The following TRPC5 variants were observed in gnomAD, a reference collection of about 807,000 sequenced individuals.
The protein encoded by TRPC5 is short transient receptor potential channel 5.
TRPC5 carries 9 observed loss-of-function variants against 56.5 expected under a neutral mutation model. That is an observed-to-expected ratio of 0.16 (90% CI 0.10 to 0.28). The LOEUF is 0.28. Among genes scored for constraint, TRPC5 ranks in the 10% least tolerant of loss-of-function variants. The pLI is 1.00. For synonymous variants in TRPC5, 282 were observed against 278.5 expected (o/e 1.01, Z -0.13); for missense variants, 469 against 748.9 (o/e 0.63, Z 4.36).
intron 1 of TRPC5, among the ~76,000 whole-genome samples, chrX:111,972,696 G>A (rs1284221254): frequency 8.9e-6 from 1 of 112,053 alleles, no homozygotes; most frequent in Non-Finnish European, 1.9e-5. Context: ...ACATATTTAT[G>A]AATGGGCTGC....
intron 3 of TRPC5, among the ~76,000 whole-genome samples, chrX:111,885,414 G>A (rs188680368): frequency 3.6e-5 from 4 of 111,350 alleles, no homozygotes; most frequent in African/African-American, 1.3e-4. Flanking sequence ...TTAAAGGTTG[G>A]TCAAGACTAG....
intron 3 of TRPC5, among the ~76,000 whole-genome samples, chrX:111,873,965 C>G (rs1231160942): frequency 8.9e-6 from 1 of 111,784 alleles, no homozygotes; most frequent in Non-Finnish European, 1.9e-5. Context: ...CAACCATCCA[C>G]CACACTCCTA....
chrX:111,875,572 C>CTTTTTTT (rs771241425), intron 3 of TRPC5, among the ~76,000 whole-genome samples: 13 of 70,460 alleles, frequency 1.8e-4, no homozygotes, highest in African/African-American at 6.4e-4. Context: ...TTTTTTCTTT[C>CTTTTTTT]TTTTTTTTTT....
chrX:111,771,546 C>CT lies in TRPC5; in HGVS notation c.*4766_*4767insA, dbSNP rs954554641. Among the ~76,000 whole-genome samples the CT allele has an allele frequency of 1.8e-5, 2 of 111,092 alleles. No individual in the cohort carries two copies. The highest frequency in any genetic ancestry group is 3.8e-5 in the Non-Finnish European group (2 of 53,055). ...AGTTAACTCTGTTTCTTAAACATTACATTTTCTAAAAGTAAAGCTCTCACA... is the reference window on the plus strand; with the variant it reads ...AGTTAACTCTGTTTCTTAAACATTACTATTTTCTAAAAGTAAAGCTCTCACA... On this transcript the variant is annotated 3_prime_UTR_variant, in exon 11 of 11. Transcript: ENST00000262839.
intron 3 of TRPC5, among the ~76,000 whole-genome samples, chrX:111,910,962 A>G (rs1408916156): frequency 2.7e-5 from 3 of 112,901 alleles, no homozygotes; most frequent in Non-Finnish European, 3.7e-5. Flanking sequence ...AATAACTTAA[A>G]GCAGGTAAAT....
intron 1 of TRPC5, among the ~76,000 whole-genome samples, chrX:112,078,793 T>C (rs1602428089): frequency 8.9e-6 from 1 of 112,238 alleles, no homozygotes; most frequent in East Asian, 2.8e-4. Context: ...AAGACCACAG[T>C]TGAGTCATTC....
chrX:111,841,689 C>G (rs960887195), intron 6 of TRPC5, among the ~76,000 whole-genome samples: 9 of 111,491 alleles, frequency 8.1e-5, no homozygotes, highest in Non-Finnish European at 7.5e-5. Flanking sequence ...TAGTTGCAAT[C>G]ATAGTTTATA....
At chrX:112,062,483 T>C (rs962340876) in intron 1 of TRPC5, among the ~76,000 whole-genome samples, 1 of 112,049 alleles carries the variant, frequency 8.9e-6, no homozygotes, top group Admixed American at 9.5e-5. Flanking sequence ...AGCAAGGCTT[T>C]AAAATGCCTG....
At chrX:111,868,876 A>G (rs911582180) in intron 3 of TRPC5, among the ~76,000 whole-genome samples, 3 of 111,808 alleles carry the variant, frequency 2.7e-5, no homozygotes, top group African/African-American at 9.8e-5. Flanking sequence ...AATGGGCCCA[A>G]TGTGTACTGT....
At chrX:111,929,116 A>G (rs1926336270) in intron 2 of TRPC5, among the ~76,000 whole-genome samples, 1 of 112,281 alleles carries the variant, frequency 8.9e-6, no homozygotes, top group Non-Finnish European at 1.9e-5. Context: ...CAAGTGGAGA[A>G]GGAAATAGTG....
chrX:111,934,356 G>C (rs1470668446), intron 2 of TRPC5, among the ~76,000 whole-genome samples: 1 of 109,058 alleles, frequency 9.2e-6, no homozygotes, highest in Non-Finnish European at 1.9e-5. Context: ...TACATAGTAA[G>C]TCTATATATT....
intron 1 of TRPC5, among the ~76,000 whole-genome samples, chrX:112,038,980 G>A (rs748080790): frequency 1.7e-4 from 18 of 108,781 alleles, no homozygotes; most frequent in South Asian, 8.2e-4. Context: ...GTGAGCCACC[G>A]CGCCCAGCCT....
chrX:111,946,668 T>G (rs983257160), intron 2 of TRPC5, among the ~76,000 whole-genome samples: 4 of 112,514 alleles, frequency 3.6e-5, no homozygotes, highest in African/African-American at 1.3e-4. Context: ...AAAATTCACT[T>G]AACTCTTTCA....
At chrX:111,799,076 G>C (rs1484374423) in intron 7 of TRPC5, among the ~76,000 whole-genome samples, 2 of 110,902 alleles carry the variant, frequency 1.8e-5, no homozygotes, top group Non-Finnish European at 3.8e-5. Context: ...TCTGTTCTTG[G>C]GGGGGAAATG....
intron 3 of TRPC5, among the ~76,000 whole-genome samples, chrX:111,896,838 A>G (rs187117134): frequency 3.6e-4 from 40 of 111,981 alleles, no homozygotes; most frequent in African/African-American, 1.3e-3. Context: ...ATCATGGGCA[A>G]ATTACTGAAT....
intron 7 of TRPC5, among the ~76,000 whole-genome samples, chrX:111,807,648 G>T (rs769535825): frequency 1.1e-4 from 12 of 112,124 alleles, no homozygotes; most frequent in Admixed American, 3.8e-4. Flanking sequence ...CTGTGTCTGG[G>T]CATTGAAGAG....
chrX:111,870,227 T>G lies in TRPC5; in HGVS notation c.901-16121A>C, dbSNP rs931296315. The stretch of plus-strand genomic sequence containing the variant: ...CTTTTACAAAACTCTTGGGGACAGA[T>G]TTGTTTTGGAATTCTAAATTTGTCA... On this transcript the variant is annotated intron_variant, in intron 3 of 10. Transcript: ENST00000262839. 2.7e-5 allele frequency among the ~76,000 whole-genome samples: 3 copies of G among 111,676 alleles called. No individual in the cohort carries two copies. The East Asian group carries it at 8.5e-4, about 31-fold the overall frequency.
chrX:112,066,668 G>A (rs1280787669), intron 1 of TRPC5, among the ~76,000 whole-genome samples: 5 of 112,446 alleles, frequency 4.4e-5, no homozygotes, highest in Non-Finnish European at 1.9e-5. Context: ...TGTAAAATGG[G>A]AATTATTATA....
intron 1 of TRPC5, among the ~76,000 whole-genome samples, chrX:111,967,019 G>A (rs1927608962): frequency 9.0e-6 from 1 of 111,461 alleles, no homozygotes; most frequent in South Asian, 3.8e-4. Context: ...TATTCAATTA[G>A]GAAAAGAGGA....
Sources: gnomAD v4.1 joint callset for allele counts (sites outside exome capture counted in the v4.1 genomes callset) on GRCh38, gnomAD v4.1.1 for gene constraint, MANE v1.5 for transcripts, NCBI Gene and HGNC (gene_info 2026-07-23, HGNC 2026-07-21) for gene names.